TMEM184A: variants seen among roughly 807,000 people sequenced by gnomAD.
TMEM184A encodes the protein sexually dimorphic, expressed in male gonads 1.
TMEM184A carries 40 observed loss-of-function variants against 39.5 expected under a neutral mutation model. The observed-to-expected ratio is 1.01, with a 90% CI of 0.79 to 1.32. TMEM184A has a LOEUF of 1.32. Ranked by LOEUF, TMEM184A falls within the 40% of genes most tolerant of loss-of-function variation. The pLI, the probability that TMEM184A is intolerant of heterozygous loss-of-function variation, is 0.00. For missense variants in TMEM184A, 603 were observed against 568.8 expected (o/e 1.06, Z -0.61); for synonymous variants, 280 against 252.3 (o/e 1.11, Z -1.04).
At position 1,544,310 on chromosome 7, in the gene TMEM184A, C is replaced by G. The variant is rs888564950; in HGVS notation, c.*2642G>C. On this transcript the variant is annotated 3_prime_UTR_variant, in exon 9 of 9. Coordinates refer to ENST00000297477, the MANE Select transcript of TMEM184A (RefSeq NM_001097620.2). ...CCGGCCATGCAGCCTGCACCCGGGC[C>G]AGGCCAGGGCCCCCAGGGCTTCCAC... 2.0e-5 allele frequency: 3 copies of G among 152,308 alleles called. No individual in the cohort carries two copies. Among genetic ancestry groups the G allele is most frequent in the Non-Finnish European group, 4.4e-5 (3 of 68,100 alleles). The allele number at this position is 152,308 out of a possible 1,614,324, so 9.4% of individuals were successfully genotyped here. A position where few individuals can be genotyped will look rare whatever the true frequency, so the allele number is the denominator to read the frequency against.
chr7:1,547,783 A>G lies in TMEM184A; in HGVS notation c.971T>C (p.Phe324Ser), dbSNP rs760827293. 5 of 1,612,972 alleles carry G rather than the reference A, an allele frequency of 3.1e-6. No homozygotes were observed. Among genetic ancestry groups the G allele is most frequent in the Non-Finnish European group, 4.2e-6 (5 of 1,179,864 alleles). ...CTTCTCTGCGTACACCTGGCAGGGG[A>G]AGGCATAACGCAGGGCCACGGAGGC... ...LFASVALRYA[F>S]PCQVYAEKKE... Residue 324 changes from phenylalanine (F) to serine (S), a missense_variant, in exon 8 of 9, where the codon TTC (phenylalanine) becomes TCC (serine). Transcript: ENST00000297477.
chr7:1,555,446 G>C lies in TMEM184A; in HGVS notation c.39C>G (p.Val13=), dbSNP rs754567187. The change falls in exon 2 of 9, where the codon GTC becomes GTG. Residue 13 remains valine, a synonymous_variant. Transcript: ENST00000297477. This position sits in a 1 kb window ranked among gnomAD's most constrained non-coding sequence, Gnocchi z 5.2. ...NVSGILETAG[V]PLVSANWPQP... ...GCGGCCAGTTCGCTGACACCAGGGGGACGCCGGCTGTCTCCAGGATCCCTG... is the reference window on the plus strand; with the variant it reads ...GCGGCCAGTTCGCTGACACCAGGGGCACGCCGGCTGTCTCCAGGATCCCTG... 6.2e-7 allele frequency: 1 copy of C among 1,610,070 alleles called. No individual in the cohort carries two copies. Among genetic ancestry groups the C allele is most frequent in the East Asian group, 2.2e-5 (1 of 44,864 alleles).
In TMEM184A at chr7:1,543,049, T is replaced by C. The variant is rs1784238371; in HGVS notation, c.*3903A>G. 1 of 152,562 alleles carries C rather than the reference T, an allele frequency of 6.6e-6. No individual in the cohort carries two copies. Among genetic ancestry groups the C allele is most frequent in the Admixed American group, 6.5e-5 (1 of 15,276 alleles). 9.5% of individuals were successfully genotyped at this position (152,562 alleles called of 1,614,324 possible). A position where few individuals can be genotyped will look rare whatever the true frequency, so the allele number is the denominator to read the frequency against. On this transcript the variant is annotated 3_prime_UTR_variant, in exon 9 of 9. Transcript: ENST00000297477. Reference sequence around the variant, plus strand: ...AAGAATTTTCTGGTTTCAGACCCTTTCGTTGCGTAGCTGGTGCTTTCAGCT... The same window carrying C: ...AAGAATTTTCTGGTTTCAGACCCTTCCGTTGCGTAGCTGGTGCTTTCAGCT...
intron 8 of TMEM184A, 63 bp from the exon 9 acceptor site, chr7:1,547,244 C>A: frequency 1.0e-6 from 1 of 970,566 alleles, no homozygotes; most frequent in Non-Finnish European, 1.5e-6. Context: ...CGGACAAGTC[C>A]CCTCCCAGGA....
rs540997586 is a variant in TMEM184A at position 1,555,542 on chromosome 7, G to C, written c.1-58C>G. The C allele has an allele frequency of 3.6e-6, 5 of 1,386,672 alleles. No individual in the cohort carries two copies. The African/African-American group carries it at 7.1e-5, about 20-fold the overall frequency. 85.9% of individuals were successfully genotyped at this position (1,386,672 alleles called of 1,614,324 possible). A position where few individuals can be genotyped will look rare whatever the true frequency, so the allele number is the denominator to read the frequency against. On this transcript the variant is annotated intron_variant, in intron 1 of 8. Transcript: ENST00000297477. This position sits in a 1 kb window ranked among gnomAD's most constrained non-coding sequence, Gnocchi z 5.2. ...AGTGAGGGCAAAGGTACTGGCTCCC[G>C]GCAGCAGGAAGCAGCGGGGGAGGGA...
intron 2 of TMEM184A, among the ~76,000 whole-genome samples, chr7:1,552,925 G>A (rs1394870273): frequency 6.6e-6 from 1 of 151,988 alleles, no homozygotes; most frequent in Non-Finnish European, 1.5e-5. Context: ...CGTGGTGGCG[G>A]GCGCCTGCAG....
At chr7:1,551,544 A>T (rs922264399) in intron 2 of TMEM184A, among the ~76,000 whole-genome samples, 1 of 152,258 alleles carries the variant, frequency 6.6e-6, no homozygotes, top group East Asian at 1.9e-4. Context: ...TTAGATACAT[A>T]CTTTTATACG....
intron 3 of TMEM184A, 103 bp from the exon 4 acceptor site, chr7:1,550,498 C>G: frequency 1.0e-6 from 1 of 963,564 alleles, no homozygotes; most frequent in Non-Finnish European, 1.5e-6. Flanking sequence ...AGGGGCTGAG[C>G]CCAGCAGGCC....
At chr7:1,547,442 G>T (rs1583212911) in intron 8 of TMEM184A, among the ~76,000 whole-genome samples, 2 of 152,184 alleles carry the variant, frequency 1.3e-5, no homozygotes, top group South Asian at 4.1e-4. Flanking sequence ...CCTTTGGCTG[G>T]CCTCGGGTGG....
chr7:1,547,449 G>T (rs904163405), intron 8 of TMEM184A, among the ~76,000 whole-genome samples: 1 of 152,172 alleles, frequency 6.6e-6, no homozygotes, highest in East Asian at 1.9e-4. Flanking sequence ...CTGGCCTCGG[G>T]TGGGCACCCT....
At chr7:1,550,495 G>A in intron 3 of TMEM184A, 100 bp from the exon 4 acceptor site, 1 of 997,598 alleles carries the variant, frequency 1.0e-6, no homozygotes, top group South Asian at 1.6e-5. Flanking sequence ...GGGAGGGGCT[G>A]AGCCCAGCAG....
rs1325747908 is a variant in TMEM184A at position 1,547,929 on chromosome 7, C to A, written c.825G>T (p.Leu275=). The change falls in exon 8 of 9, where the codon CTG becomes CTT. Residue 275 remains leucine (L), a synonymous_variant. Coordinates refer to ENST00000297477, the MANE Select transcript of TMEM184A (RefSeq NM_001097620.2). ...TGACCCCGCACCGCTCCAGGATGGCCAGCAGCAGCCCTGCGGACGCCACGG... is the reference window on the plus strand; with the variant it reads ...TGACCCCGCACCGCTCCAGGATGGCAAGCAGCAGCCCTGCGGACGCCACGG... The part of the protein sequence containing the change: ...IFLSFWQGLL[L]AILERCGVIP... 1.0e-5 allele frequency: 16 copies of A among 1,573,284 alleles called. No individual in the cohort carries two copies. Among genetic ancestry groups the A allele is most frequent in the East Asian group, 2.4e-5 (1 of 42,302 alleles).
At chr7:1,554,952 C>T (rs548906362) in intron 2 of TMEM184A, among the ~76,000 whole-genome samples, 32 of 152,338 alleles carry the variant, frequency 2.1e-4, no homozygotes, top group Non-Finnish European at 3.8e-4. Flanking sequence ...GACCTCTGGT[C>T]TCTCTGAGAC....
Position 1,554,067 on chromosome 7 carries a change from C to T in TMEM184A, c.219+1199G>A, listed in dbSNP as rs1056536066. Among the ~76,000 whole-genome samples the T allele has an allele frequency of 3.5e-4, 53 of 152,150 alleles. 1 individual carries two copies. The highest frequency in any genetic ancestry group is 1.3e-3 in the African/African-American group (52 of 41,418). On this transcript the variant is annotated intron_variant, in intron 2 of 8. Coordinates refer to ENST00000297477, the MANE Select transcript of TMEM184A (RefSeq NM_001097620.2). The stretch of plus-strand genomic sequence containing the variant: ...CTTACAGGAAGGGCCTGCCTCGGCA[C>T]TGCCTCCGCGGCTCTGCACACTCCA...
At position 1,555,657 on chromosome 7, in the gene TMEM184A, C is replaced by T. The variant is rs1562564264; in HGVS notation, c.1-173G>A. 1.5e-6 allele frequency: 1 copy of T among 658,218 alleles called. No individual in the cohort carries two copies. Among genetic ancestry groups the T allele is most frequent in the South Asian group, 1.7e-5 (1 of 60,374 alleles). The allele number at this position is 658,218 out of a possible 1,614,324, so 40.8% of individuals were successfully genotyped here. On this transcript the variant is annotated intron_variant, in intron 1 of 8. Coordinates refer to ENST00000297477, the MANE Select transcript of TMEM184A (RefSeq NM_001097620.2). The surrounding 1 kb of genome is among the most constrained non-coding windows in gnomAD (Gnocchi z 5.2). Reference sequence around the variant, plus strand: ...AGCGCCAGGCCCGGCTCCCTCCCTGCTCCGAGCTCAGCCATCGAAGCTCAC... The same window carrying T: ...AGCGCCAGGCCCGGCTCCCTCCCTGTTCCGAGCTCAGCCATCGAAGCTCAC...
At chr7:1,548,051 A>G (rs3814480) in intron 7 of TMEM184A, 112 bp from the exon 8 acceptor site, 749,308 of 1,242,904 alleles carry the variant, frequency 0.6, 227,906 homozygotes, top group African/African-American at 0.78. Flanking sequence ...CCGTCCGTGT[A>G]GTCTCGTCCC....
At position 1,545,065 on chromosome 7, in the gene TMEM184A, T is replaced by C. The variant is rs1784300230; in HGVS notation, c.*1887A>G. On this transcript the variant is annotated 3_prime_UTR_variant, in exon 9 of 9. Transcript: ENST00000297477. ...CCCTCCAAACGCAGATTTGAGCAAC[T>C]TGACCCCTATCGGGGTGGCCTTCCC... is the stretch of plus-strand genomic sequence containing the variant. 1 of 152,146 alleles carries C rather than the reference T, an allele frequency of 6.6e-6. No homozygotes were observed. 9.4% of individuals were successfully genotyped at this position (152,146 alleles called of 1,614,324 possible). A position where few individuals can be genotyped will look rare whatever the true frequency, so the allele number is the denominator to read the frequency against.
chr7:1,548,368 G>T, intron 7 of TMEM184A, 151 bp downstream of exon 7: 2 of 932,042 alleles, frequency 2.1e-6, no homozygotes, highest in Non-Finnish European at 1.6e-6. Context: ...CCTCATGCCC[G>T]CAGGTTCTAC....
rs370697309 is a variant in TMEM184A at position 1,549,417 on chromosome 7, C to T, written c.644+437G>A. 564 of 337,708 alleles carry T rather than the reference C, an allele frequency of 1.7e-3. 5 individuals are homozygous for T. The highest frequency in any genetic ancestry group is 0.01 in the South Asian group (529 of 52,722). The allele number at this position is 337,708 out of a possible 1,614,324, so 20.9% of individuals were successfully genotyped here. A position where few individuals can be genotyped will look rare whatever the true frequency, so the allele number is the denominator to read the frequency against. ...GTTCAGCCAACAGGTCGGGGTGGAC[C>T]TTGGTCCCCTTGGCCCAGGTGCCCT... is the stretch of plus-strand genomic sequence containing the variant. On this transcript the variant is annotated intron_variant, in intron 6 of 8. Transcript: ENST00000297477.
Sources: allele counts gnomAD v4.1 joint callset (sites outside exome capture counted in the v4.1 genomes callset), GRCh38; gene constraint gnomAD v4.1.1; non-coding constraint Gnocchi (gnomAD v3.1); transcripts MANE v1.5; gene names NCBI Gene and HGNC (gene_info 2026-07-23, HGNC 2026-07-21).